ERCC6: variants seen among roughly 807,000 people sequenced by gnomAD.
ERCC6 encodes the protein ERCC excision repair 6, chromatin remodeling factor.
A neutral mutation model predicts 158.7 loss-of-function variants in ERCC6; 116 were observed. That is an observed-to-expected ratio of 0.73 (90% CI 0.63 to 0.85). The LOEUF is 0.85. ERCC6 is among the 40% of genes least tolerant of loss of function. The pLI, the probability that ERCC6 is intolerant of heterozygous loss-of-function variation, is 0.00. For missense variants in ERCC6, 1,698 were observed against 1,799.4 expected (o/e 0.94, Z 1.02); for synonymous variants, 678 against 659.3 (o/e 1.03, Z -0.43).
At chr10:49,508,800 G>T (rs866562929) in intron 5 of ERCC6, among the ~76,000 whole-genome samples, 1 of 152,096 alleles carries the variant, frequency 6.6e-6, no homozygotes, top group Non-Finnish European at 1.5e-5. Flanking sequence ...AGCTAAAGAT[G>T]GGGCCGACAA....
chr10:49,456,313 G>C lies in ERCC6; in HGVS notation c.*2502C>G, dbSNP rs887168696. 6.6e-6 allele frequency: 1 copy of C among 152,192 alleles called. No individual in the cohort carries two copies. Among genetic ancestry groups the C allele is most frequent in the African/African-American group, 2.4e-5 (1 of 41,454 alleles). The allele number at this position is 152,192 out of a possible 1,614,324, so 9.4% of individuals were successfully genotyped here. A position where few individuals can be genotyped will look rare whatever the true frequency, so the allele number is the denominator to read the frequency against. ...TGGCCTCCCAGCCAGCAAGAAAGGG[G>C]AATGTCAAGGAGAGTGCATACCCTG... is the stretch of plus-strand genomic sequence containing the variant. On this transcript the variant is annotated 3_prime_UTR_variant, in exon 21 of 21. Transcript: ENST00000355832.
intron 2 of ERCC6, among the ~76,000 whole-genome samples, chr10:49,531,617 T>A (rs1298092505): frequency 6.6e-6 from 1 of 152,124 alleles, no homozygotes; most frequent in Non-Finnish European, 1.5e-5. Context: ...TGTAAAAGTA[T>A]CATTACAAAG....
At chr10:49,533,876 G>A (rs936645131) in intron 1 of ERCC6, among the ~76,000 whole-genome samples, 11 of 152,030 alleles carry the variant, frequency 7.2e-5, no homozygotes, top group African/African-American at 2.4e-4. Flanking sequence ...GCTCACATCT[G>A]TAATCCCAAC....
chr10:49,451,055 C>T (rs1310574428), downstream of ERCC6, among the ~76,000 whole-genome samples: 1 of 152,148 alleles, frequency 6.6e-6, no homozygotes, highest in African/African-American at 2.4e-5. Flanking sequence ...TCATGATCCA[C>T]CTGCCTCGGC....
chr10:49,473,996 C>T (rs200160266), intron 13 of ERCC6, 31 bp downstream of exon 13: 9 of 1,595,114 alleles, frequency 5.6e-6, no homozygotes, highest in Non-Finnish European at 7.7e-6. Context: ...AAAGAACCAG[C>T]CTGTTTCCCG....
rs115698897 is a variant in ERCC6, at chr10:49,470,524, T to C, written c.3436A>G (p.Ser1146Gly). 23 of 1,614,240 alleles carry C rather than the reference T, an allele frequency of 1.4e-5. No homozygotes were observed. In the East Asian group the frequency reaches 4.9e-4, roughly 34 times the overall value. Residue 1146 changes from serine (S) to glycine (G), a missense_variant, in exon 18 of 21, where the codon AGC becomes GGC. Transcript: ENST00000355832. ...GKTSMPSGDE[S>G]IDEKLGLSYK... ...GAAAGACCTAACTTTTCATCAATGC[T>C]TTCATCACCAGATGGCATAGAAGTT...
rs1157798273 is a variant in ERCC6, at chr10:49,515,067, TTTG to T, written c.1397+8963_1397+8965del. ...AATTAGTCTTCATTTGTGTCTCAGCTTTGTTATTTAAAAGAAGGCAATGTGCTC... is the reference window on the plus strand; with the variant it reads ...AATTAGTCTTCATTTGTGTCTCAGCTTTATTTAAAAGAAGGCAATGTGCTC... On this transcript the variant is annotated intron_variant, in intron 5 of 20. Coordinates refer to ENST00000355832, the MANE Select transcript of ERCC6 (RefSeq NM_000124.4). 1.2e-4 allele frequency: 69 copies of T among 571,174 alleles called. 1 individual carries two copies. The African/African-American group carries it at 1.3e-3, about 11-fold the overall frequency. 35.4% of individuals were successfully genotyped at this position (571,174 alleles called of 1,614,324 possible).
chr10:49,451,095 G>C (rs56164647), downstream of ERCC6, among the ~76,000 whole-genome samples: 29,562 of 151,590 alleles, frequency 0.2, 3,280 homozygotes, highest in South Asian at 0.34. Context: ...ACAGGCGTGA[G>C]CCACCATGCC....
At chr10:49,496,506 C>T (rs1851268905) in intron 7 of ERCC6, among the ~76,000 whole-genome samples, 1 of 152,062 alleles carries the variant, frequency 6.6e-6, no homozygotes, top group Admixed American at 6.6e-5. Context: ...TAAATTATTC[C>T]TGAACTTAAA....
chr10:49,492,985 T>C, intron 8 of ERCC6, 132 bp downstream of exon 8: 1 of 904,510 alleles, frequency 1.1e-6, no homozygotes, highest in Non-Finnish European at 1.7e-6. Flanking sequence ...TCAATAATAA[T>C]AAATTAACTT....
chr10:49,531,528 T>C (rs1837469027), intron 2 of ERCC6, among the ~76,000 whole-genome samples: 1 of 152,186 alleles, frequency 6.6e-6, no homozygotes. Flanking sequence ...CCACCAGCCA[T>C]CTAGCATCAC....
intron 18 of ERCC6, among the ~76,000 whole-genome samples, chr10:49,468,895 G>A (rs1590404203): frequency 6.6e-6 from 1 of 152,138 alleles, no homozygotes; most frequent in African/African-American, 2.4e-5. Context: ...GAGGGACAAA[G>A]GAGCCAGCTT....
chr10:49,473,503 G>C lies in ERCC6; in HGVS notation c.2683C>G (p.Gln895Glu), dbSNP rs751201355. The C allele has an allele frequency of 1.2e-6, 2 of 1,611,204 alleles. No homozygotes were observed. The highest frequency in any genetic ancestry group is 8.5e-7 in the Non-Finnish European group (1 of 1,177,342). ...MDGTTTIASRQPLITRYNEDT... is the reference protein window; with the variant it reads ...MDGTTTIASREPLITRYNEDT... Reference sequence around the variant, plus strand: ...TCATTGTATCTCGTAATCAGTGGCTGTCTTGAAGCTATTGTAGTGGTACCA... The same window carrying C: ...TCATTGTATCTCGTAATCAGTGGCTCTCTTGAAGCTATTGTAGTGGTACCA... Residue 895 changes from glutamine (Q) to glutamate (E), a missense_variant, in exon 14 of 21, where the codon CAG becomes GAG. By Grantham distance (29) the Gln-to-Glu change is conservative (BLOSUM62 2). Transcript: ENST00000355832.
chr10:49,472,456 T>C lies in ERCC6; in HGVS notation c.2844A>G (p.Ala948=). The change falls in exon 16 of 21, where the codon GCA becomes GCG. Residue 948 remains alanine, a synonymous_variant. Coordinates refer to ENST00000355832, the MANE Select transcript of ERCC6 (RefSeq NM_000124.4). ...CTTGCTTCTTCTGGCCTATTCTCCA[T>C]GCTCGCTCCCGGGCCTGCAACAGAG... ...PSTDTQARER[A]WRIGQKKQVT... is the part of the protein sequence containing the mutation. 6.2e-7 allele frequency: 1 copy of C among 1,614,118 alleles called. No homozygotes were observed.
intron 7 of ERCC6, among the ~76,000 whole-genome samples, chr10:49,500,109 C>T (rs925797107): frequency 2.0e-5 from 3 of 152,148 alleles, no homozygotes; most frequent in Non-Finnish European, 4.4e-5. Flanking sequence ...TACTGTAATG[C>T]TCACCTGGTC....
rs115319252 is a variant in ERCC6 at position 49,461,551 on chromosome 10, C to A, written c.3784G>T (p.Val1262Leu). 3.1e-6 allele frequency: 5 copies of A among 1,612,984 alleles called. No homozygotes were observed. The highest frequency in any genetic ancestry group is 3.4e-6 in the Non-Finnish European group (4 of 1,179,480). ...LEKLFKKSVG[V>L]HSVMKHDAIM... ...GCATCGTGCTTCATGACACTGTGCA[C>A]GCCAACTAGCAAGAAAAGAAATAGC... Residue 1262 changes from valine (V) to leucine (L), a missense_variant, in exon 19 of 21, where the codon GTG becomes TTG. Val to Leu is a conservative substitution (Grantham distance 32, BLOSUM62 1). Transcript: ENST00000355832.
chr10:49,535,681 A>G (rs1372155318), intron 1 of ERCC6, among the ~76,000 whole-genome samples: 1 of 152,276 alleles, frequency 6.6e-6, no homozygotes, highest in African/African-American at 2.4e-5. Flanking sequence ...AATAATATCA[A>G]AAAGCAATAG....
rs1360673601 is a variant in ERCC6, at chr10:49,524,019, C to A, written c.1397+14G>T. 1 of 1,612,394 alleles carries A rather than the reference C, an allele frequency of 6.2e-7. No homozygotes were observed. The highest frequency in any genetic ancestry group is 8.5e-7 in the Non-Finnish European group (1 of 1,179,934). On this transcript the variant is annotated intron_variant, in intron 5 of 20. Coordinates refer to ENST00000355832, the MANE Select transcript of ERCC6 (RefSeq NM_000124.4). ...GCAAACAGTACAATGTATTTATAAT[C>A]CCCACAGACCGACCTTAACCGCTGC...
At chr10:49,461,960 C>A (rs1850590936) in intron 18 of ERCC6, among the ~76,000 whole-genome samples, 1 of 152,160 alleles carries the variant, frequency 6.6e-6, no homozygotes, top group Non-Finnish European at 1.5e-5. Context: ...AGTAGAATGA[C>A]TCAATAACCA....
Sources: gnomAD v4.1 joint callset for allele counts (sites outside exome capture counted in the v4.1 genomes callset) on GRCh38, gnomAD v4.1.1 for gene constraint, MANE v1.5 for transcripts, NCBI Gene and HGNC (gene_info 2026-07-23, HGNC 2026-07-21) for gene names.